CDC14A: variants seen among roughly 807,000 people sequenced by gnomAD.
The protein encoded by CDC14A is dual specificity protein phosphatase CDC14A.
Under a neutral mutation model 74.4 loss-of-function variants are expected in CDC14A, and 53 were observed. The observed-to-expected ratio is 0.71, with a 90% CI of 0.57 to 0.89. The LOEUF (loss-of-function observed/expected upper bound fraction) is 0.89, where lower values mean the gene tolerates loss of function less well. Among genes scored for constraint, CDC14A ranks in the 40% least tolerant of loss-of-function variants. CDC14A has a pLI of 0.00. For missense variants in CDC14A, 646 were observed against 713.7 expected (o/e 0.91, Z 1.08); for synonymous variants, 247 against 258.4 (o/e 0.96, Z 0.43).
chr1:100,416,065 G>T (rs28361222), intron 4 of CDC14A, among the ~76,000 whole-genome samples: 1,919 of 152,284 alleles, frequency 0.013, 37 homozygotes, highest in African/African-American at 0.044. Flanking sequence ...CATTTAAGAA[G>T]TCTGAGAACC....
intron 3 of CDC14A, among the ~76,000 whole-genome samples, chr1:100,381,917 A>T (rs148777175): frequency 4.1e-4 from 63 of 152,316 alleles, no homozygotes; most frequent in Non-Finnish European, 6.9e-4. Flanking sequence ...AAGTGAGAAC[A>T]ATTTGTTAAA....
At chr1:100,381,475 A>T (rs1438108656) in intron 3 of CDC14A, among the ~76,000 whole-genome samples, 1 of 152,084 alleles carries the variant, frequency 6.6e-6, no homozygotes, top group Non-Finnish European at 1.5e-5. Flanking sequence ...TTTAGTTTGG[A>T]AATTTTTATT....
chr1:100,371,201 G>A (rs911285948), intron 2 of CDC14A, among the ~76,000 whole-genome samples: 31 of 152,176 alleles, frequency 2.0e-4, no homozygotes, highest in Admixed American at 9.2e-4. Context: ...GAGCCTTTTG[G>A]CAGAGTCATT....
Position 100,352,530 on chromosome 1 carries a change from A to C in CDC14A, c.-425A>C. The C allele has an allele frequency of 9.7e-7, 1 of 1,033,150 alleles. No homozygotes were observed. The highest frequency in any genetic ancestry group is 1.7e-5 in the African/African-American group (1 of 57,826). The allele number at this position is 1,033,150 out of a possible 1,614,324, so 64.0% of individuals were successfully genotyped here. On this transcript the variant is annotated 5_prime_UTR_variant, in exon 1 of 16. Transcript: ENST00000336454. ...GAGCAGCTGCTGCCAGCCCGCGGGC[A>C]CTGAAGTCCTCCCGGCTGCCGCTCG... is the stretch of plus-strand genomic sequence containing the variant.
chr1:100,445,588 C>G (rs1028821450), intron 7 of CDC14A, among the ~76,000 whole-genome samples: 2 of 152,102 alleles, frequency 1.3e-5, no homozygotes, highest in African/African-American at 4.8e-5. Flanking sequence ...AAGGAGAAAA[C>G]TTGTGGATGT....
intron 2 of CDC14A, among the ~76,000 whole-genome samples, chr1:100,359,646 C>A (rs917864831): frequency 6.6e-6 from 1 of 151,804 alleles, no homozygotes; most frequent in African/African-American, 2.4e-5. Flanking sequence ...AGTGCACTAC[C>A]AAAAAGAAAG....
At position 100,393,270 on chromosome 1, in the gene CDC14A, A is replaced by G. The variant is rs541210367; in HGVS notation, c.309+2446A>G. 352 of 1,361,530 alleles carry G rather than the reference A, an allele frequency of 2.6e-4. No individual in the cohort carries two copies. In the African/African-American group the frequency reaches 4.6e-3, roughly 18 times the overall value. 84.3% of individuals were successfully genotyped at this position (1,361,530 alleles called of 1,614,324 possible). A position where few individuals can be genotyped will look rare whatever the true frequency, so the allele number is the denominator to read the frequency against. On this transcript the variant is annotated intron_variant, in intron 4 of 15. Coordinates refer to ENST00000336454, the MANE Select transcript of CDC14A (RefSeq NM_003672.4). The stretch of plus-strand genomic sequence containing the variant: ...CTGAAGTTCTTTCTGTGCATGTTCA[A>G]TCATATGAACTAGATTTTCATTGTA...
chr1:100,365,857 G>A (rs1175904498), intron 2 of CDC14A, among the ~76,000 whole-genome samples: 1 of 151,894 alleles, frequency 6.6e-6, no homozygotes, highest in Non-Finnish European at 1.5e-5. Flanking sequence ...CTGACTGGAG[G>A]GGTGCGGATA....
intron 15 of CDC14A, among the ~76,000 whole-genome samples, chr1:100,501,984 T>C (rs1648781536): frequency 6.6e-6 from 1 of 152,208 alleles, no homozygotes; most frequent in Admixed American, 6.5e-5. Context: ...ATTTTAAGTG[T>C]TAATTTCAAG....
intron 2 of CDC14A, among the ~76,000 whole-genome samples, chr1:100,366,544 C>G (rs1653643960): frequency 6.6e-6 from 1 of 152,164 alleles, no homozygotes; most frequent in Non-Finnish European, 1.5e-5. Context: ...AGTATGACAG[C>G]AAGGCTTTTA....
intron 11 of CDC14A, among the ~76,000 whole-genome samples, chr1:100,491,142 T>C (rs1670573834): frequency 6.6e-6 from 1 of 152,072 alleles, no homozygotes; most frequent in Non-Finnish European, 1.5e-5. Context: ...ATAATAAAAT[T>C]AGGCATATCT....
At position 100,508,308 on chromosome 1, in the gene CDC14A, TA is replaced by T. The variant is rs201943263; in HGVS notation, c.1755+9047del. Among the ~76,000 whole-genome samples, 4 of 151,642 alleles carry T rather than the reference TA, an allele frequency of 2.6e-5. No individual in the cohort carries two copies. Among genetic ancestry groups the T allele is most frequent in the Admixed American group, 6.6e-5 (1 of 15,208 alleles). On this transcript the variant is annotated intron_variant, in intron 15 of 15. Coordinates refer to ENST00000336454, the MANE Select transcript of CDC14A (RefSeq NM_003672.4). The surrounding 1 kb of genome is among the most constrained non-coding windows in gnomAD (Gnocchi z 4.4). ...GTGTATATATATAGATATATATATATATTTTTTTCACTTGAAGGATCTCAGG... is the reference window on the plus strand; with the variant it reads ...GTGTATATATATAGATATATATATATTTTTTTTCACTTGAAGGATCTCAGG...
At chr1:100,412,886 T>C (rs1405363245) in intron 4 of CDC14A, among the ~76,000 whole-genome samples, 1 of 148,122 alleles carries the variant, frequency 6.8e-6, no homozygotes, top group East Asian at 2.0e-4. Flanking sequence ...CTAAAGTATG[T>C]AGGGAACATG....
chr1:100,439,829 G>C (rs894168881), intron 5 of CDC14A, 103 bp from the exon 6 acceptor site: 1 of 769,238 alleles, frequency 1.3e-6, no homozygotes, highest in African/African-American at 1.7e-5. Flanking sequence ...GTTGATAGCT[G>C]TGAAGCCAAA....
At chr1:100,493,713 C>A (rs921241785) in intron 11 of CDC14A, among the ~76,000 whole-genome samples, 1 of 152,174 alleles carries the variant, frequency 6.6e-6, no homozygotes, top group Non-Finnish European at 1.5e-5. Flanking sequence ...CTCTAGGAAG[C>A]TTTTGTCCTT....
Position 100,498,965 on chromosome 1 carries a change from G to C in CDC14A, c.1458G>C (p.Gly486=). ...ACTCCCGGCTAGCCAGTTCTCTAGG[G>C]AACTTGAATGCTGCAACAGATGATC... is the stretch of plus-strand genomic sequence containing the variant. ...SINSRLASSL[G]NLNAATDDPE... Residue 486 remains glycine (G), a synonymous_variant, in exon 15 of 16, where the codon GGG becomes GGC. Coordinates refer to ENST00000336454, the MANE Select transcript of CDC14A (RefSeq NM_003672.4). The C allele has an allele frequency of 1.2e-6, 2 of 1,613,924 alleles. No homozygotes were observed.
intron 3 of CDC14A, among the ~76,000 whole-genome samples, chr1:100,380,552 T>C (rs909343456): frequency 3.9e-5 from 6 of 152,190 alleles, no homozygotes; most frequent in African/African-American, 1.4e-4. Context: ...AAAATGCCTT[T>C]GTTACTCACT....
At chr1:100,473,303 TA>T (rs1252065937) in intron 10 of CDC14A, among the ~76,000 whole-genome samples, 1 of 149,932 alleles carries the variant, frequency 6.7e-6, no homozygotes, top group Non-Finnish European at 1.5e-5. Context: ...CCTAAGTACT[TA>T]TTTTTTTTTA....
Position 100,448,878 on chromosome 1 carries a change from T to C in CDC14A, c.519+5882T>C, listed in dbSNP as rs116129677. 2.2e-3 allele frequency among the ~76,000 whole-genome samples: 341 copies of C among 152,364 alleles called. 1 individual carries two copies. Among genetic ancestry groups the C allele is most frequent in the African/African-American group, 7.3e-3 (305 of 41,590 alleles). On this transcript the variant is annotated intron_variant, in intron 7 of 15. Transcript: ENST00000336454. ...CTACCAGTAATATCATCTCTCCATG[T>C]GTAGGGTTAAAGCCTTTGCTCTTGT...
Sources: allele counts gnomAD v4.1 joint callset (sites outside exome capture counted in the v4.1 genomes callset), GRCh38; gene constraint gnomAD v4.1.1; non-coding constraint Gnocchi (gnomAD v3.1); transcripts MANE v1.5; gene names NCBI Gene and HGNC (gene_info 2026-07-23, HGNC 2026-07-21).